Variants in PAN3 observed in about 807,000 individuals in gnomAD.
The protein encoded by PAN3 is poly(A) specific ribonuclease subunit PAN3.
In PAN3, 19 loss-of-function variants were observed where a neutral mutation model predicts 96.2. That is an observed-to-expected ratio of 0.20 (90% CI 0.14 to 0.29). The LOEUF is 0.29. PAN3 is among the 10% of genes least tolerant of loss of function. The probability of loss-of-function intolerance (pLI) is 1.00; values close to 1 mark genes in which losing one functional copy is unlikely to be tolerated. For missense variants in PAN3, 882 were observed against 1,108.1 expected, an observed-to-expected ratio of 0.80 and a Z score of 2.90; for synonymous variants, 433 against 406.6, an observed-to-expected ratio of 1.06 and a Z score of -0.78.
rs147564523 is a variant in PAN3, at chr13:28,158,699, A to G, written c.431-15573A>G. ...CAAGACCATCCTGGCTAACACAGTGAAACCCCGTCTCTACTAAATATACAA... is the reference window on the plus strand; with the variant it reads ...CAAGACCATCCTGGCTAACACAGTGGAACCCCGTCTCTACTAAATATACAA... On this transcript the variant is annotated intron_variant, in intron 1 of 18. Transcript: ENST00000380958. Among the ~76,000 whole-genome samples, 28 of 152,280 alleles carry G rather than the reference A, an allele frequency of 1.8e-4. No homozygotes were observed. In the East Asian group the frequency reaches 4.2e-3, roughly 23 times the overall value.
At chr13:28,187,775 G>T (rs569640963) in intron 4 of PAN3, among the ~76,000 whole-genome samples, 1 of 152,150 alleles carries the variant, frequency 6.6e-6, no homozygotes, top group East Asian at 1.9e-4. Flanking sequence ...TCCCAGGCTG[G>T]TTCAAACTCC....
At chr13:28,147,223 T>TA (rs1213162105) in intron 1 of PAN3, among the ~76,000 whole-genome samples, 1 of 152,196 alleles carries the variant, frequency 6.6e-6, no homozygotes. Flanking sequence ...TGTGTGAAAA[T>TA]ACATTTCTTT....
At chr13:28,256,017 A>G (rs1885109418) in intron 6 of PAN3, among the ~76,000 whole-genome samples, 1 of 152,136 alleles carries the variant, frequency 6.6e-6, no homozygotes, top group African/African-American at 2.4e-5. Flanking sequence ...TTGCTATTAA[A>G]TTTCCTGATG....
At chr13:28,154,132 A>G (rs187500194) in intron 1 of PAN3, among the ~76,000 whole-genome samples, 6 of 152,328 alleles carry the variant, frequency 3.9e-5, no homozygotes, top group Non-Finnish European at 1.5e-5. Flanking sequence ...TTAGTTGTTG[A>G]TATTCAAGTT....
At chr13:28,201,245 T>C (rs1230712594) in intron 5 of PAN3, among the ~76,000 whole-genome samples, 15 of 151,666 alleles carry the variant, frequency 9.9e-5, no homozygotes, top group Admixed American at 7.2e-4. Context: ...GGTCTTGCCG[T>C]GTTGCTCAGG....
In PAN3 at chr13:28,293,775, T is replaced by A. The variant is rs949167358; in HGVS notation, c.*1253T>A. ...TTCATGGAATTTCTAGTAAATGAAA[T>A]ACCTATACTTTGATACTGAAGACTG... On this transcript the variant is annotated 3_prime_UTR_variant, in exon 19 of 19. Transcript: ENST00000380958. The A allele has an allele frequency of 6.6e-6, 1 of 152,600 alleles. No homozygotes were observed. Among genetic ancestry groups the A allele is most frequent in the African/African-American group, 2.4e-5 (1 of 41,438 alleles). The allele number at this position is 152,600 out of a possible 1,614,324, so 9.5% of individuals were successfully genotyped here. A position where few individuals can be genotyped will look rare whatever the true frequency, so the allele number is the denominator to read the frequency against.
chr13:28,143,090 A>G (rs966304083), intron 1 of PAN3, among the ~76,000 whole-genome samples: 1 of 151,928 alleles, frequency 6.6e-6, no homozygotes, highest in Non-Finnish European at 1.5e-5. Context: ...GGAAACTGCA[A>G]TTTGATTTTT....
intron 1 of PAN3, among the ~76,000 whole-genome samples, chr13:28,155,461 G>A (rs2137995515): frequency 6.6e-6 from 1 of 152,144 alleles, no homozygotes; most frequent in Middle Eastern, 3.4e-3. Context: ...GTGGTTGCAT[G>A]TGTCTGTATT....
chr13:28,211,828 A>G (rs1383470141), intron 5 of PAN3, among the ~76,000 whole-genome samples: 1 of 152,218 alleles, frequency 6.6e-6, no homozygotes, highest in Non-Finnish European at 1.5e-5. Context: ...TCCCTGAGAG[A>G]TGGAAAACAA....
chr13:28,278,084 A>G (rs1288881288), intron 15 of PAN3, among the ~76,000 whole-genome samples: 1 of 152,270 alleles, frequency 6.6e-6, no homozygotes, highest in Non-Finnish European at 1.5e-5. Flanking sequence ...GTTATGAGCT[A>G]TATTAGAGAA....
At chr13:28,269,510 G>A (rs1411104696) in intron 12 of PAN3, among the ~76,000 whole-genome samples, 2 of 151,578 alleles carry the variant, frequency 1.3e-5, no homozygotes, top group East Asian at 3.9e-4. Context: ...TTTAGAAAAT[G>A]AGAAGAATAG....
intron 18 of PAN3, among the ~76,000 whole-genome samples, chr13:28,289,241 A>G (rs1476419647): frequency 2.0e-5 from 3 of 152,138 alleles, no homozygotes; most frequent in Admixed American, 1.3e-4. Context: ...TGAATTAAGT[A>G]GATAAAAAAT....
At chr13:28,249,047 A>T (rs1315693143) in intron 6 of PAN3, among the ~76,000 whole-genome samples, 1 of 152,162 alleles carries the variant, frequency 6.6e-6, no homozygotes, top group Non-Finnish European at 1.5e-5. Flanking sequence ...CTTTCTTGAT[A>T]GTTTCCTATG....
chr13:28,246,852 T>C (rs1422104317), intron 6 of PAN3, among the ~76,000 whole-genome samples: 1 of 152,202 alleles, frequency 6.6e-6, no homozygotes, highest in Non-Finnish European at 1.5e-5. Flanking sequence ...ACTCTGTATC[T>C]CGGCTATTGT....
chr13:28,261,573 C>T, intron 9 of PAN3, 115 bp downstream of exon 9: 1 of 816,334 alleles, frequency 1.2e-6, no homozygotes, highest in Non-Finnish European at 1.8e-6. Flanking sequence ...TGGCTCATAC[C>T]TGTAATCCCA....
chr13:28,267,679 G>A (rs967806044), intron 12 of PAN3, among the ~76,000 whole-genome samples: 14 of 152,168 alleles, frequency 9.2e-5, no homozygotes, highest in African/African-American at 3.1e-4. Flanking sequence ...CATGGCGGCA[G>A]ACAAGAGAAG....
intron 5 of PAN3, among the ~76,000 whole-genome samples, chr13:28,210,350 A>T (rs969399965): frequency 6.6e-6 from 1 of 152,172 alleles, no homozygotes; most frequent in African/African-American, 2.4e-5. Flanking sequence ...CAACATACAC[A>T]TGCTACTTTC....
chr13:28,201,167 T>C (rs1339765730), intron 5 of PAN3, among the ~76,000 whole-genome samples: 1 of 151,884 alleles, frequency 6.6e-6, no homozygotes, highest in Non-Finnish European at 1.5e-5. Flanking sequence ...CCCGAGTAGC[T>C]GGGACTGCAG....
chr13:28,219,680 A>T (rs559872652), intron 5 of PAN3, among the ~76,000 whole-genome samples: 39 of 152,344 alleles, frequency 2.6e-4, no homozygotes, highest in African/African-American at 9.1e-4. Flanking sequence ...CTGCATGGGC[A>T]TTAGGATCGC....
Sources: gnomAD v4.1 joint callset for allele counts (sites outside exome capture counted in the v4.1 genomes callset) on GRCh38, gnomAD v4.1.1 for gene constraint, MANE v1.5 for transcripts, NCBI Gene and HGNC (gene_info 2026-07-23, HGNC 2026-07-21) for gene names.